Variants in CECR2 observed in about 807,000 individuals in gnomAD.
The protein encoded by CECR2 is chromatin remodeling regulator CECR2.
CECR2 carries 30 observed loss-of-function variants against 154.5 expected under a neutral mutation model. The observed-to-expected ratio is 0.19, with a 90% CI of 0.15 to 0.26. The LOEUF (loss-of-function observed/expected upper bound fraction) is 0.26, where lower values mean the gene tolerates loss of function less well. CECR2 is among the 10% of genes least tolerant of loss of function. The probability of loss-of-function intolerance (pLI) is 1.00; values close to 1 mark genes in which losing one functional copy is unlikely to be tolerated. For synonymous variants in CECR2, 725 were observed against 683.7 expected (o/e 1.06, Z -0.94); for missense variants, 1,743 against 1,829.3 (o/e 0.95, Z 0.86).
At chr22:17,361,058 C>G (rs1160680686) in intron 1 of CECR2, among the ~76,000 whole-genome samples, 1 of 150,798 alleles carries the variant, frequency 6.6e-6, no homozygotes, top group African/African-American at 2.4e-5. Flanking sequence ...AGCTACTTGG[C>G]AGGCTGAGGT....
chr22:17,464,790 T>G (rs2518754), intron 1 of CECR2, among the ~76,000 whole-genome samples: 2 of 152,042 alleles, frequency 1.3e-5, no homozygotes, highest in Non-Finnish European at 2.9e-5. Context: ...CATGAGCCAT[T>G]GTGCCCAGTC....
At chr22:17,511,963 T>C (rs2055965274) in intron 8 of CECR2, 67 bp downstream of exon 8, 3 of 1,182,884 alleles carry the variant, frequency 2.5e-6, no homozygotes, top group Non-Finnish European at 3.6e-6. Context: ...TTTCATGTAC[T>C]TCCATTCCTG....
At position 17,537,223 on chromosome 22, in the gene CECR2, C is replaced by G. The variant is rs1469787166; in HGVS notation, c.1229C>G (p.Thr410Ser). Residue 410 changes from threonine to serine, a missense_variant, in exon 10 of 19, where the codon ACT becomes AGT. Around this residue, in one of 4 missense-constraint regions of CECR2, gnomAD observed 292 missense variants for 301.2 expected, o/e 0.97. Coordinates refer to ENST00000262608, the MANE Select transcript of CECR2 (RefSeq NM_001290047.2). ...TCCCCCATGAGAGAGGAAAAAAAGACTAAAGACCTGTGAGTATTTAGTAAC... is the reference window on the plus strand; with the variant it reads ...TCCCCCATGAGAGAGGAAAAAAAGAGTAAAGACCTGTGAGTATTTAGTAAC... ...PNSPMREEKK[T>S]KDLFELDDDF... 12 of 1,613,786 alleles carry G rather than the reference C, an allele frequency of 7.4e-6. No individual in the cohort carries two copies. In the South Asian group the frequency reaches 1.3e-4, roughly 18 times the overall value.
At chr22:17,539,847 A>G (rs2147020277) in intron 13 of CECR2, among the ~76,000 whole-genome samples, 1 of 152,178 alleles carries the variant, frequency 6.6e-6, no homozygotes, top group East Asian at 1.9e-4. Flanking sequence ...TTATTTACTA[A>G]CCTCGAGGCA....
At chr22:17,475,162 A>G (rs1272039321) in intron 1 of CECR2, among the ~76,000 whole-genome samples, 1 of 152,106 alleles carries the variant, frequency 6.6e-6, no homozygotes, top group Non-Finnish European at 1.5e-5. Context: ...TTGCAGATAA[A>G]GTTTCTCCCG....
intron 1 of CECR2, among the ~76,000 whole-genome samples, chr22:17,392,077 T>C (rs2063331798): frequency 6.6e-6 from 1 of 152,186 alleles, no homozygotes; most frequent in African/African-American, 2.4e-5. Flanking sequence ...CCCAAAGTGC[T>C]CGGATTACAA....
intron 1 of CECR2, among the ~76,000 whole-genome samples, chr22:17,421,416 C>T (rs1470014615): frequency 6.6e-6 from 1 of 151,924 alleles, no homozygotes. Context: ...GAGATCGAGA[C>T]CATCCCGGCT....
Position 17,379,581 on chromosome 22 carries a change from G to GGTGTGTGTGT in CECR2, c.126+9707_126+9716dup, listed in dbSNP as rs60634016. Among the ~76,000 whole-genome samples the GGTGTGTGTGT allele has an allele frequency of 8.4e-3, 1,152 of 137,872 alleles. 11 individuals are homozygous for GGTGTGTGTGT. The highest frequency in any genetic ancestry group is 0.012 in the South Asian group (49 of 3,986). The allele number at this position is 137,872 out of a possible 152,430, so 90.4% of individuals were successfully genotyped here. On this transcript the variant is annotated intron_variant, in intron 1 of 18. Transcript: ENST00000262608. ...AAAGTTCAGTGGGACCTACGTTGAA[G>GGTGTGTGTGT]GTGTGTGTGTGTGTGTGTGTGTGTG...
intron 9 of CECR2, among the ~76,000 whole-genome samples, chr22:17,534,364 C>G (rs2056405265): frequency 1.3e-5 from 2 of 152,176 alleles, no homozygotes; most frequent in African/African-American, 2.4e-5. Flanking sequence ...ATTTACATCC[C>G]TGCTCCTTAT....
At chr22:17,413,219 G>A (rs2054092965) in intron 1 of CECR2, among the ~76,000 whole-genome samples, 1 of 152,278 alleles carries the variant, frequency 6.6e-6, no homozygotes, top group Middle Eastern at 3.4e-3. Flanking sequence ...AAACACAGAG[G>A]AGAACAAAGA....
Position 17,383,029 on chromosome 22 carries a change from C to CA in CECR2, c.126+13120_126+13121insA, listed in dbSNP as rs377256761. On this transcript the variant is annotated intron_variant, in intron 1 of 18. Transcript: ENST00000262608. ...GATCATGAGGTCAGGAGTTCGAGAC[C>CA]GCCTGGCCAAGGTGGTGAAACCCCA... Among the ~76,000 whole-genome samples the CA allele has an allele frequency of 1.1e-3, 162 of 152,046 alleles. 1 individual carries two copies. Among genetic ancestry groups the CA allele is most frequent in the African/African-American group, 3.7e-3 (155 of 41,492 alleles).
intron 1 of CECR2, among the ~76,000 whole-genome samples, chr22:17,374,413 TG>T (rs2063094872): frequency 6.6e-6 from 1 of 152,172 alleles, no homozygotes; most frequent in South Asian, 2.1e-4. Flanking sequence ...AAAAGAAACT[TG>T]TAAGTACATC....
At chr22:17,465,308 T>A (rs1473979276) in intron 1 of CECR2, among the ~76,000 whole-genome samples, 1 of 151,760 alleles carries the variant, frequency 6.6e-6, no homozygotes, top group Non-Finnish European at 1.5e-5. Flanking sequence ...ATATTTCTAT[T>A]TAAACTGTTT....
At position 17,542,312 on chromosome 22, in the gene CECR2, G is replaced by A. The variant is rs775249697; in HGVS notation, c.2169G>A (p.Met723Ile). The A allele has an allele frequency of 1.2e-6, 2 of 1,612,654 alleles. No homozygotes were observed. Among genetic ancestry groups the A allele is most frequent in the South Asian group, 2.2e-5 (2 of 90,808 alleles). The change falls in exon 16 of 19, where the codon ATG (methionine) becomes ATA (isoleucine). Residue 723 changes from methionine to isoleucine, a missense_variant. Coordinates refer to ENST00000262608, the MANE Select transcript of CECR2 (RefSeq NM_001290047.2). ...QISGPSQDGS[M>I]YAPAQFQPGF... ...GTGGCCCAAGTCAGGATGGAAGCATGTATGCTCCAGCTCAGTTCCAGCCAG... is the reference window on the plus strand; with the variant it reads ...GTGGCCCAAGTCAGGATGGAAGCATATATGCTCCAGCTCAGTTCCAGCCAG...
At position 17,548,606 on chromosome 22, in the gene CECR2, G is replaced by A. The variant is rs1371209311; in HGVS notation, c.3319G>A (p.Gly1107Ser). The change falls in exon 17 of 19, where the codon GGT becomes AGT. Residue 1107 changes from glycine (G) to serine (S), a missense_variant. Transcript: ENST00000262608. ...AGCGACACCGCCCAGCACAGACCCC[G>A]GTTTGACGGGAGGCACTGTGAGCCA... The part of the protein sequence containing the change: ...NAATPPSTDP[G>S]LTGGTVSQFP... 5.6e-6 allele frequency: 9 copies of A among 1,613,258 alleles called. No homozygotes were observed. Among genetic ancestry groups the A allele is most frequent in the African/African-American group, 5.3e-5 (4 of 74,890 alleles).
chr22:17,382,085 T>C (rs967913126), intron 1 of CECR2, among the ~76,000 whole-genome samples: 12 of 150,888 alleles, frequency 8.0e-5, no homozygotes, highest in South Asian at 2.1e-4. Context: ...AGGGACGAGG[T>C]TTCGCCGTGT....
intron 1 of CECR2, among the ~76,000 whole-genome samples, chr22:17,447,020 G>T (rs577779879): frequency 1.4e-5 from 2 of 140,030 alleles, no homozygotes; most frequent in African/African-American, 5.9e-5. Context: ...GTGCTGAGTG[G>T]TGCGTTTACA....
At chr22:17,526,581 C>T (rs1384015841) in intron 9 of CECR2, among the ~76,000 whole-genome samples, 6 of 152,130 alleles carry the variant, frequency 3.9e-5, no homozygotes, top group African/African-American at 9.6e-5. Context: ...GAGGCCAAGG[C>T]GGGTGAATTA....
At chr22:17,449,464 A>G (rs2054731156) in intron 1 of CECR2, among the ~76,000 whole-genome samples, 1 of 141,976 alleles carries the variant, frequency 7.0e-6, no homozygotes, top group Admixed American at 7.1e-5. Flanking sequence ...AGCTCCGCAC[A>G]TCTAATTGGT....
Sources: gnomAD v4.1 joint callset for allele counts (sites outside exome capture counted in the v4.1 genomes callset) on GRCh38, gnomAD v4.1.1 for gene constraint, gnomAD v4.1.1 regional missense constraint, MANE v1.5 for transcripts, NCBI Gene and HGNC (gene_info 2026-07-23, HGNC 2026-07-21) for gene names.